Variants in ASB15 observed in about 807,000 individuals in gnomAD.
ASB15 encodes the protein ankyrin repeat and SOCS box protein 15.
Under a neutral mutation model 58.0 loss-of-function variants are expected in ASB15, and 54 were observed. The observed-to-expected ratio is 0.93, with a 90% confidence interval of 0.75 to 1.17. The LOEUF (loss-of-function observed/expected upper bound fraction) is 1.17, where lower values mean the gene tolerates loss of function less well. Ranked by LOEUF, ASB15 falls within the 50% of genes most tolerant of loss-of-function variation. The pLI, the probability that ASB15 is intolerant of heterozygous loss-of-function variation, is 0.00. For synonymous variants in ASB15, 249 were observed against 262.4 expected (o/e 0.95, Z 0.50); for missense variants, 680 against 707.4 (o/e 0.96, Z 0.44).
chr7:123,616,929 A>AT (rs1449964353), intron 6 of ASB15, among the ~76,000 whole-genome samples: 3 of 152,214 alleles, frequency 2.0e-5, no homozygotes, highest in East Asian at 1.9e-4. Flanking sequence ...CATTACATTG[A>AT]TTTTTTTCAT....
intron 7 of ASB15, among the ~76,000 whole-genome samples, chr7:123,623,813 G>A (rs1801495548): frequency 6.8e-6 from 1 of 147,740 alleles, no homozygotes. Context: ...GCAGTGAGCT[G>A]AGATTGTGCC....
rs1230351122 is a variant in ASB15, at chr7:123,638,145, ACT to A, written c.*1167_*1168del. The A allele has an allele frequency of 1.3e-5, 2 of 151,890 alleles. No homozygotes were observed. The highest frequency in any genetic ancestry group is 6.6e-5 in the Admixed American group (1 of 15,238). The allele number at this position is 151,890 out of a possible 1,614,324, so 9.4% of individuals were successfully genotyped here. ...CAATGCTGCTTATCTGGCTCCCCTG[ACT>A]CTGTCTTGCCCTGTCCCAAACACTT... is the stretch of plus-strand genomic sequence containing the variant. On this transcript the variant is annotated 3_prime_UTR_variant, in exon 12 of 12. Coordinates refer to ENST00000451215, the MANE Select transcript of ASB15 (RefSeq NM_001290258.2).
At chr7:123,620,545 TATATATATA>T (rs1324986396) in intron 7 of ASB15, among the ~76,000 whole-genome samples, 19 of 25,932 alleles carry the variant, frequency 7.3e-4, no homozygotes, top group East Asian at 1.3e-3. Context: ...TATATATATA[TATATATATA>T]TTTTTTTTTT....
chr7:123,611,082 CAAAAAAAAA>C lies in ASB15; in HGVS notation c.-3+2442_-3+2450del, dbSNP rs34527165. On this transcript the variant is annotated intron_variant, in intron 3 of 11. Transcript: ENST00000451215. ...TGGGCAAAAGAGCAAAACTCCATCT[CAAAAAAAAA>C]AAAAAAAAAAAAAGAAAAGAAAAAT... Among the ~76,000 whole-genome samples, 100 of 81,850 alleles carry C rather than the reference CAAAAAAAAA, an allele frequency of 1.2e-3. 1 individual carries two copies. Among genetic ancestry groups the C allele is most frequent in the African/African-American group, 4.0e-3 (86 of 21,744 alleles). 53.7% of individuals were successfully genotyped at this position (81,850 alleles called of 152,430 possible). A position where few individuals can be genotyped will look rare whatever the true frequency, so the allele number is the denominator to read the frequency against.
At chr7:123,601,772 T>C (rs1290876878), upstream of ASB15, 1 of 152,164 alleles carries the variant, frequency 6.6e-6, no homozygotes, top group Non-Finnish European at 1.5e-5. Flanking sequence ...TATGTTTCAG[T>C]TGTACAAGGT....
chr7:123,617,677 T>C lies in ASB15; in HGVS notation c.391T>C (p.Leu131=). Residue 131 remains leucine, a synonymous_variant, in exon 7 of 12, where the codon TTA becomes CTA. Transcript: ENST00000451215. ...AGLVENVRTL[L]EKGVWPNTKN... is the part of the protein sequence containing the mutation. ...TCTGGTGGAAAATGTAAGAACTTTATTAGAAAAGGGAGTGTGGCCCAACAC... is the reference window on the plus strand; with the variant it reads ...TCTGGTGGAAAATGTAAGAACTTTACTAGAAAAGGGAGTGTGGCCCAACAC... 6.2e-7 allele frequency: 1 copy of C among 1,612,680 alleles called. No individual in the cohort carries two copies. Among genetic ancestry groups the C allele is most frequent in the Non-Finnish European group, 8.5e-7 (1 of 1,178,680 alleles).
At chr7:123,614,352 A>T (rs552144288) in intron 3 of ASB15, 149 bp from the exon 4 acceptor site, 1 of 596,144 alleles carries the variant, frequency 1.7e-6, no homozygotes, top group East Asian at 2.8e-5. Flanking sequence ...AGTAATGTGG[A>T]TTAAAATGTT....
Position 123,636,907 on chromosome 7 carries a change from C to G in ASB15, c.1693C>G (p.Leu565Val). The G allele has an allele frequency of 1.3e-6, 2 of 1,592,718 alleles. No homozygotes were observed. Among genetic ancestry groups the G allele is most frequent in the Non-Finnish European group, 1.7e-6 (2 of 1,160,836 alleles). ...GCCAGCCTCAGTGGAGAAGCTTCCT[C>G]TACCACCAGCTATTCAAAGATACAT... is the stretch of plus-strand genomic sequence containing the variant. ...CQPASVEKLP[L>V]PPAIQRYILF... The change falls in exon 12 of 12, where the codon CTA becomes GTA. Residue 565 changes from leucine to valine, a missense_variant. By Grantham distance (32) the Leu-to-Val change is conservative. Coordinates refer to ENST00000451215, the MANE Select transcript of ASB15 (RefSeq NM_001290258.2).
At chr7:123,606,368 G>C (rs558405412) in intron 2 of ASB15, among the ~76,000 whole-genome samples, 1 of 152,082 alleles carries the variant, frequency 6.6e-6, no homozygotes, top group African/African-American at 2.4e-5. Context: ...GGTCACCAAG[G>C]TTCCTGGCCT....
At chr7:123,602,925 A>AG (rs1323495101) in intron 1 of ASB15, among the ~76,000 whole-genome samples, 5 of 152,146 alleles carry the variant, frequency 3.3e-5, no homozygotes, top group African/African-American at 9.7e-5. Context: ...ATGTGGGCTT[A>AG]GGTAAGTTAC....
upstream of ASB15, among the ~76,000 whole-genome samples, chr7:123,600,335 A>G (rs1029137966): frequency 3.9e-5 from 6 of 152,222 alleles, no homozygotes; most frequent in Non-Finnish European, 4.4e-5. Context: ...GTATAGGTAG[A>G]TCTATAACAA....
intron 1 of ASB15, among the ~76,000 whole-genome samples, chr7:123,569,808 G>GCC (rs1798857352): frequency 2.0e-5 from 3 of 152,326 alleles, no homozygotes; most frequent in African/African-American, 7.2e-5. Flanking sequence ...AGAGAGGCAA[G>GCC]CCCGTTAAGT....
intron 1 of ASB15, among the ~76,000 whole-genome samples, chr7:123,570,128 G>A (rs868436214): frequency 6.8e-6 from 1 of 148,034 alleles, no homozygotes; most frequent in African/African-American, 2.5e-5. Flanking sequence ...TCTGCCTCCC[G>A]GGTTCACACC....
rs187158666 is a variant in ASB15, at chr7:123,611,811, G to A, written c.-2-2690G>A. Among the ~76,000 whole-genome samples the A allele has an allele frequency of 1.9e-4, 29 of 152,118 alleles. No homozygotes were observed. The East Asian group carries it at 1.9e-3, about 10-fold the overall frequency. Reference sequence around the variant, plus strand: ...GTCTGGCACCTTAGTACACCTGCATGCAGATCTTCACTTCATCTCAAGCTT... The same window carrying A: ...GTCTGGCACCTTAGTACACCTGCATACAGATCTTCACTTCATCTCAAGCTT... On this transcript the variant is annotated intron_variant, in intron 3 of 11. Transcript: ENST00000451215.
chr7:123,628,963 T>A lies in ASB15; in HGVS notation c.969T>A (p.Cys323Ter). The A allele has an allele frequency of 6.2e-7, 1 of 1,612,582 alleles. No individual in the cohort carries two copies. Among genetic ancestry groups the A allele is most frequent in the Non-Finnish European group, 8.5e-7 (1 of 1,178,712 alleles). ...HSAADGQNAQ[C>*]LELLIENGFD... ...CAGCAGATGGACAAAATGCACAGTG[T>A]CTAGAACTGCTCATTGAAAATGGTT... The change falls in exon 10 of 12, where the codon TGT becomes TGA. Residue 323 changes from cysteine to a stop codon, truncating the protein, a stop_gained. Transcript: ENST00000451215. LOFTEE classifies it high-confidence loss of function.
chr7:123,586,399 T>C (rs995680175), intron 1 of ASB15, among the ~76,000 whole-genome samples: 1 of 151,888 alleles, frequency 6.6e-6, no homozygotes, highest in African/African-American at 2.4e-5. Context: ...TCTATTCAGA[T>C]CCTTTGCCTG....
At chr7:123,591,996 A>T (rs946408429) in intron 1 of ASB15, among the ~76,000 whole-genome samples, 6 of 152,110 alleles carry the variant, frequency 3.9e-5, no homozygotes, top group Admixed American at 6.5e-5. Context: ...TGGTCTATTC[A>T]GAGATTCAAC....
intron 1 of ASB15, among the ~76,000 whole-genome samples, chr7:123,603,070 T>G (rs1799964593): frequency 3.3e-5 from 5 of 152,206 alleles, no homozygotes; most frequent in Admixed American, 3.3e-4. Context: ...TTAGTTATAA[T>G]AATTATTAAA....
intron 6 of ASB15, among the ~76,000 whole-genome samples, chr7:123,617,263 TCA>T (rs1800880002): frequency 6.6e-6 from 1 of 152,158 alleles, no homozygotes; most frequent in South Asian, 2.1e-4. Context: ...AAAAACAATT[TCA>T]GTTACAATAT....
Sources: allele counts gnomAD v4.1 joint callset (sites outside exome capture counted in the v4.1 genomes callset), GRCh38; gene constraint gnomAD v4.1.1; transcripts MANE v1.5; gene names NCBI Gene and HGNC (gene_info 2026-07-23, HGNC 2026-07-21).